The following TARBP1 variants were observed in gnomAD, a reference collection of about 807,000 sequenced individuals.
TARBP1 encodes tRNA (guanosine(18)-2'-O)-methyltransferase TARBP1.
In TARBP1, 144 loss-of-function variants were observed where a neutral mutation model predicts 178.6. The ratio of observed to expected loss-of-function variants is 0.81; its 90% CI spans 0.70 to 0.93. TARBP1 has a LOEUF of 0.93. Among genes scored for constraint, TARBP1 ranks in the 40% least tolerant of loss-of-function variants. The pLI is 0.00. For synonymous variants in TARBP1, 787 were observed against 781.0 expected (o/e 1.01, Z -0.13); for missense variants, 2,067 against 2,011.7 (o/e 1.03, Z -0.53).
intron 3 of TARBP1, among the ~76,000 whole-genome samples, chr1:234,469,067 TTTTTTTTTTTA>T (rs1208926468): frequency 5.8e-5 from 1 of 17,160 alleles, no homozygotes; most frequent in East Asian, 0.023. Flanking sequence ...TGCCTTTTTT[TTTTTTTTTTTA>T]AAAAAAAAAA....
intron 22 of TARBP1, among the ~76,000 whole-genome samples, chr1:234,414,444 A>G (rs975302399): frequency 1.3e-5 from 2 of 152,342 alleles, no homozygotes; most frequent in South Asian, 4.1e-4. Context: ...ACCATTTAAG[A>G]GGTAGGCAGG....
intron 21 of TARBP1, 101 bp downstream of exon 21, chr1:234,420,598 CATT>C: frequency 1.6e-6 from 1 of 632,546 alleles, no homozygotes; most frequent in Non-Finnish European, 2.4e-6. Context: ...AAATTTTAAA[CATT>C]ATCTTTTTCA....
intron 6 of TARBP1, among the ~76,000 whole-genome samples, chr1:234,461,785 T>C (rs1214014770): frequency 6.6e-6 from 1 of 152,210 alleles, no homozygotes; most frequent in Non-Finnish European, 1.5e-5. Context: ...ATTTCTATTT[T>C]GAGATACAAA....
chr1:234,455,515 T>G (rs947198009), intron 9 of TARBP1, among the ~76,000 whole-genome samples: 19 of 152,326 alleles, frequency 1.2e-4, no homozygotes, highest in African/African-American at 4.6e-4. Context: ...AAAAAAAGAC[T>G]AAGAAGGGTC....
At chr1:234,468,569 G>C (rs568552752) in intron 3 of TARBP1, among the ~76,000 whole-genome samples, 1 of 152,292 alleles carries the variant, frequency 6.6e-6, no homozygotes, top group Admixed American at 6.5e-5. Flanking sequence ...ATTTGGAATA[G>C]TTTCAACCAA....
chr1:234,409,494 GC>G (rs1178704996), intron 23 of TARBP1, among the ~76,000 whole-genome samples: 1 of 152,176 alleles, frequency 6.6e-6, no homozygotes, highest in African/African-American at 2.4e-5. Flanking sequence ...CTTATCTGAT[GC>G]CAGAGCCTTC....
At chr1:234,396,929 G>T (rs1428951258) in intron 26 of TARBP1, among the ~76,000 whole-genome samples, 1 of 151,848 alleles carries the variant, frequency 6.6e-6, no homozygotes, top group East Asian at 2.0e-4. Context: ...AAGGCAGGAT[G>T]GCCGGAGACT....
At position 234,427,628 on chromosome 1, in the gene TARBP1, C is replaced by T. The variant is rs1045826709; in HGVS notation, c.3199G>A (p.Glu1067Lys). ...AATATACAAGCCTCAAGGATAAGTTCGCTATAATTTTTAGCACTTGATAAA... is the reference window on the plus strand; with the variant it reads ...AATATACAAGCCTCAAGGATAAGTTTGCTATAATTTTTAGCACTTGATAAA... Reference protein sequence around the residue: ...GSLSSAKNYSELILEACIFGT... With the variant: ...GSLSSAKNYSKLILEACIFGT... The change falls in exon 18 of 30, where the codon GAA (glutamate) becomes AAA (lysine). Residue 1067 changes from glutamate to lysine, a missense_variant. Transcript: ENST00000040877. 6.9e-6 allele frequency: 11 copies of T among 1,598,788 alleles called. No individual in the cohort carries two copies. Among genetic ancestry groups the T allele is most frequent in the South Asian group, 2.3e-5 (2 of 87,470 alleles).
At chr1:234,416,642 G>A (rs1662451110) in intron 22 of TARBP1, among the ~76,000 whole-genome samples, 2 of 152,088 alleles carry the variant, frequency 1.3e-5, no homozygotes, top group South Asian at 4.1e-4. Flanking sequence ...CTTAATCGTT[G>A]TTTTCTTCAT....
intron 13 of TARBP1, among the ~76,000 whole-genome samples, chr1:234,435,698 G>A (rs370481921): frequency 1.3e-4 from 20 of 152,292 alleles, no homozygotes; most frequent in East Asian, 7.7e-4. Flanking sequence ...AGCATATAGC[G>A]TAAGTCCATA....
chr1:234,474,289 A>ACAC (rs1553306832), intron 1 of TARBP1, among the ~76,000 whole-genome samples: 71 of 127,110 alleles, frequency 5.6e-4, no homozygotes, highest in South Asian at 2.0e-3. Flanking sequence ...CACACACACA[A>ACAC]AGGGGACATT....
chr1:234,395,548 T>C (rs1241615473), intron 26 of TARBP1, among the ~76,000 whole-genome samples: 1 of 152,152 alleles, frequency 6.6e-6, no homozygotes, highest in African/African-American at 2.4e-5. Flanking sequence ...TAATAGGGCA[T>C]ACAGAGCAGG....
chr1:234,411,548 G>A (rs1661823851), intron 22 of TARBP1, among the ~76,000 whole-genome samples: 1 of 152,222 alleles, frequency 6.6e-6, no homozygotes, highest in Non-Finnish European at 1.5e-5. Context: ...GCAAACTTAA[G>A]GGAAAGGCAG....
intron 13 of TARBP1, among the ~76,000 whole-genome samples, chr1:234,434,398 C>T (rs1181547559): frequency 2.6e-5 from 4 of 152,186 alleles, no homozygotes; most frequent in African/African-American, 7.2e-5. Context: ...AACCACTGGA[C>T]GCCAAGCACT....
intron 20 of TARBP1, among the ~76,000 whole-genome samples, chr1:234,421,272 A>G (rs1225625691): frequency 6.6e-6 from 1 of 152,050 alleles, no homozygotes; most frequent in Non-Finnish European, 1.5e-5. Context: ...TATTTTTAGT[A>G]GAGATGGGGT....
intron 3 of TARBP1, among the ~76,000 whole-genome samples, chr1:234,470,804 C>T (rs958300234): frequency 2.0e-5 from 3 of 151,906 alleles, no homozygotes; most frequent in Admixed American, 6.6e-5. Flanking sequence ...TTAGTAGAGA[C>T]GGAGTTTCAC....
intron 14 of TARBP1, among the ~76,000 whole-genome samples, chr1:234,432,416 G>A (rs1385591313): frequency 6.6e-6 from 1 of 152,104 alleles, no homozygotes; most frequent in Non-Finnish European, 1.5e-5. Context: ...CACTCGGTCT[G>A]GGTGACAGAG....
At chr1:234,418,715 T>C (rs1032980516) in intron 21 of TARBP1, among the ~76,000 whole-genome samples, 3 of 152,248 alleles carry the variant, frequency 2.0e-5, no homozygotes, top group Admixed American at 1.3e-4. Context: ...TCATGGTCTG[T>C]GTTGCCCCAC....
intron 26 of TARBP1, among the ~76,000 whole-genome samples, chr1:234,396,269 C>T (rs1423255117): frequency 6.6e-6 from 1 of 152,158 alleles, no homozygotes; most frequent in Non-Finnish European, 1.5e-5. Context: ...ATCTCTCTTC[C>T]CTCTCCTCCC....
Sources: gnomAD v4.1 joint callset for allele counts (sites outside exome capture counted in the v4.1 genomes callset) on GRCh38, gnomAD v4.1.1 for gene constraint, MANE v1.5 for transcripts, NCBI Gene and HGNC (gene_info 2026-07-23, HGNC 2026-07-21) for gene names.